The following ZNF804B variants were observed in gnomAD, a reference collection of about 807,000 sequenced individuals.
ZNF804B encodes zinc finger protein 804B, also known as zinc finger 804B.
A neutral mutation model predicts 101.4 loss-of-function variants in ZNF804B; 80 were observed. The ratio of observed to expected loss-of-function variants is 0.79; its 90% confidence interval spans 0.66 to 0.95. The LOEUF is 0.95. ZNF804B is among the 40% of genes least tolerant of loss of function. ZNF804B has a pLI of 0.00. For missense variants in ZNF804B, 1,673 were observed against 1,561.9 expected (o/e 1.07, Z -1.20); for synonymous variants, 622 against 558.8 (o/e 1.11, Z -1.59).
intron 2 of ZNF804B, among the ~76,000 whole-genome samples, chr7:89,271,748 C>G (rs978522155): frequency 4.6e-5 from 7 of 152,050 alleles, no homozygotes; most frequent in Non-Finnish European, 7.4e-5. Context: ...AATTTCAGAG[C>G]CTGTTACTGG....
chr7:89,073,332 TG>T (rs1789569544), intron 1 of ZNF804B, among the ~76,000 whole-genome samples: 1 of 152,094 alleles, frequency 6.6e-6, no homozygotes, highest in African/African-American at 2.4e-5. Flanking sequence ...TGTCCTACCA[TG>T]GGGAAGGGTT....
At chr7:89,223,619 T>TTATTTATTTATTTATG (rs1554380868) in intron 2 of ZNF804B, among the ~76,000 whole-genome samples, 2 of 150,792 alleles carry the variant, frequency 1.3e-5, no homozygotes, top group Non-Finnish European at 3.0e-5. Flanking sequence ...ATTTATTTAT[T>TTATTTATTTATTTATG]TATTTATTTA....
rs574156532 is a variant in ZNF804B, at chr7:89,054,042, C to A, written c.109-164113C>A. Among the ~76,000 whole-genome samples, 12 of 151,956 alleles carry A rather than the reference C, an allele frequency of 7.9e-5. No homozygotes were observed. In the South Asian group the frequency reaches 2.5e-3, roughly 32 times the overall value. On this transcript the variant is annotated intron_variant, in intron 1 of 3. Coordinates refer to ENST00000333190, the MANE Select transcript of ZNF804B (RefSeq NM_181646.5). ...CATTTTCACAACTATAGCTATGGTG[C>A]CACTTAAAATGTGGTTATTTGTCTT...
chr7:89,237,160 A>G (rs1789297111), intron 2 of ZNF804B, among the ~76,000 whole-genome samples: 1 of 152,168 alleles, frequency 6.6e-6, no homozygotes. Flanking sequence ...GGTATAATGT[A>G]AACATGAATA....
rs1791021843 is a variant in ZNF804B, at chr7:89,333,650, T to C, written c.668T>C (p.Phe223Ser). Residue 223 changes from phenylalanine to serine, a missense_variant, in exon 4 of 4, where the codon TTT becomes TCT. Physicochemically the swap from Phe to Ser is radical, Grantham distance 155. Transcript: ENST00000333190. ...CACAGAACAGGAGTATCATTTACTTTTTCCAAAAAAGTGCACCTAAAATTA... is the reference window on the plus strand; with the variant it reads ...CACAGAACAGGAGTATCATTTACTTCTTCCAAAAAAGTGCACCTAAAATTA... ...ANHRTGVSFT[F>S]SKKVHLKLES... 2 of 1,613,424 alleles carry C rather than the reference T, an allele frequency of 1.2e-6. No individual in the cohort carries two copies. The highest frequency in any genetic ancestry group is 1.3e-5 in the African/African-American group (1 of 74,884).
At chr7:89,027,178 CA>C (rs1427239036) in intron 1 of ZNF804B, among the ~76,000 whole-genome samples, 1 of 151,740 alleles carries the variant, frequency 6.6e-6, no homozygotes, top group Non-Finnish European at 1.5e-5. Flanking sequence ...GTATAAAAAG[CA>C]AATCATTTTT....
chr7:89,198,049 A>G (rs1371919637), intron 1 of ZNF804B, among the ~76,000 whole-genome samples: 1 of 151,886 alleles, frequency 6.6e-6, no homozygotes, highest in Non-Finnish European at 1.5e-5. Flanking sequence ...TATTCACTAA[A>G]TGAACAATAG....
chr7:89,172,735 A>G (rs931552449), intron 1 of ZNF804B, among the ~76,000 whole-genome samples: 4 of 152,170 alleles, frequency 2.6e-5, no homozygotes, highest in Non-Finnish European at 5.9e-5. Flanking sequence ...TATAATTTGA[A>G]ATTTAAATCA....
At chr7:89,031,114 A>G (rs1788825879) in intron 1 of ZNF804B, among the ~76,000 whole-genome samples, 1 of 151,996 alleles carries the variant, frequency 6.6e-6, no homozygotes, top group South Asian at 2.1e-4. Context: ...GCACATGTAT[A>G]CTTATGTAAC....
intron 1 of ZNF804B, among the ~76,000 whole-genome samples, chr7:88,878,314 C>T (rs1791981541): frequency 6.6e-6 from 1 of 151,974 alleles, no homozygotes; most frequent in African/African-American, 2.4e-5. Context: ...CAAAGATTGC[C>T]CTATTTCCCT....
At chr7:88,999,987 T>C (rs1788260876) in intron 1 of ZNF804B, among the ~76,000 whole-genome samples, 1 of 152,012 alleles carries the variant, frequency 6.6e-6, no homozygotes, top group African/African-American at 2.4e-5. Context: ...GTTTATTTAA[T>C]ATTTTCATCA....
intron 1 of ZNF804B, among the ~76,000 whole-genome samples, chr7:89,127,826 T>C (rs1202422516): frequency 1.3e-5 from 2 of 151,670 alleles, no homozygotes; most frequent in East Asian, 3.9e-4. Flanking sequence ...AACCTAATAC[T>C]TTCTGATGAT....
intron 1 of ZNF804B, among the ~76,000 whole-genome samples, chr7:88,905,207 A>G (rs929401721): frequency 4.6e-5 from 7 of 152,186 alleles, no homozygotes; most frequent in African/African-American, 1.7e-4. Flanking sequence ...TGAGATAATC[A>G]TAAGGTTTTT....
intron 1 of ZNF804B, among the ~76,000 whole-genome samples, chr7:88,821,544 A>G (rs1019189062): frequency 9.8e-5 from 15 of 152,314 alleles, no homozygotes; most frequent in Admixed American, 3.3e-4. Flanking sequence ...TATTTAAACA[A>G]TATCCTTTGG....
rs1707526786 is a variant in ZNF804B, at chr7:89,024,353, C to G, written c.109-193802C>G. 5.9e-5 allele frequency among the ~76,000 whole-genome samples: 9 copies of G among 152,200 alleles called. No individual in the cohort carries two copies. The South Asian group carries it at 1.7e-3, about 28-fold the overall frequency. On this transcript the variant is annotated intron_variant, in intron 1 of 3. Coordinates refer to ENST00000333190, the MANE Select transcript of ZNF804B (RefSeq NM_181646.5). ...TATGGGGCTTTAGCTTCTCCCTACTCACTTGATAATTTTAGCTCACAAACT... is the reference window on the plus strand; with the variant it reads ...TATGGGGCTTTAGCTTCTCCCTACTGACTTGATAATTTTAGCTCACAAACT...
chr7:89,334,754 G>T lies in ZNF804B; in HGVS notation c.1772G>T (p.Cys591Phe). 1 of 1,613,808 alleles carries T rather than the reference G, an allele frequency of 6.2e-7. No individual in the cohort carries two copies. The highest frequency in any genetic ancestry group is 8.5e-7 in the Non-Finnish European group (1 of 1,179,856). The stretch of plus-strand genomic sequence containing the variant: ...TACCTCAACACATCTCTAAAGGATT[G>T]TGCTGGAAAGAATAATAGTAGTGAG... ...PLYLNTSLKD[C>F]AGKNNSSENK... The change falls in exon 4 of 4, where the codon TGT (cysteine) becomes TTT (phenylalanine). Residue 591 changes from cysteine (C) to phenylalanine (F), a missense_variant. Cys to Phe is a radical substitution (Grantham distance 205, BLOSUM62 -2). Transcript: ENST00000333190.
intron 2 of ZNF804B, among the ~76,000 whole-genome samples, chr7:89,222,419 A>G (rs978283522): frequency 6.6e-6 from 1 of 151,892 alleles, no homozygotes; most frequent in Non-Finnish European, 1.5e-5. Context: ...CCATCCACTT[A>G]TGACCAGATA....
chr7:89,118,010 G>A (rs943934065), intron 1 of ZNF804B, among the ~76,000 whole-genome samples: 1 of 151,944 alleles, frequency 6.6e-6, no homozygotes, highest in Non-Finnish European at 1.5e-5. Context: ...GAATTATTTT[G>A]TATCTGTAAG....
chr7:89,151,039 C>G (rs1268901068), intron 1 of ZNF804B, among the ~76,000 whole-genome samples: 3 of 152,044 alleles, frequency 2.0e-5, no homozygotes, highest in Non-Finnish European at 4.4e-5. Flanking sequence ...AATAGTACAG[C>G]TCCTATTGCA....
Sources: allele counts gnomAD v4.1 joint callset (sites outside exome capture counted in the v4.1 genomes callset), GRCh38; gene constraint gnomAD v4.1.1; transcripts MANE v1.5; gene names NCBI Gene and HGNC (gene_info 2026-07-23, HGNC 2026-07-21).